Variants in LRP10 observed in about 807,000 individuals in gnomAD.
LRP10 encodes low-density lipoprotein receptor-related protein 10.
LRP10 carries 42 observed loss-of-function variants against 58.5 expected under a neutral mutation model. The observed-to-expected ratio is 0.72, with a 90% CI of 0.56 to 0.93. The LOEUF (loss-of-function observed/expected upper bound fraction) is 0.93. LRP10 is among the 40% of genes least tolerant of loss of function. LRP10 has a pLI of 0.00. For synonymous variants in LRP10, 377 were observed against 388.5 expected, an observed-to-expected ratio of 0.97 and a Z score of 0.35; for missense variants, 872 against 940.1, an observed-to-expected ratio of 0.93 and a Z score of 0.95.
At position 22,872,146 on chromosome 14, in the gene LRP10, C is replaced by A; in HGVS notation, c.-158C>A. On this transcript the variant is annotated 5_prime_UTR_variant, in exon 1 of 7. Coordinates refer to ENST00000359591, the MANE Select transcript of LRP10 (RefSeq NM_014045.5). ...TCCCGGGCTGCCGCCGCCTCCCCGC[C>A]CCCAGCCCTGGCATCCAGAGTACGG... 1 of 721,248 alleles carries A rather than the reference C, an allele frequency of 1.4e-6. No individual in the cohort carries two copies. Among genetic ancestry groups the A allele is most frequent in the Non-Finnish European group, 2.4e-6 (1 of 415,224 alleles). The allele number at this position is 721,248 out of a possible 1,614,324, so 44.7% of individuals were successfully genotyped here.
rs745750080 is a variant in LRP10, at chr14:22,876,823, GTCAC to G, written c.1554+8_1554+11del. 8.1e-6 allele frequency: 13 copies of G among 1,613,158 alleles called. No individual in the cohort carries two copies. Among genetic ancestry groups the G allele is most frequent in the Non-Finnish European group, 1.1e-5 (13 of 1,179,570 alleles). On this transcript the variant is annotated splice_donor_region_variant and intron_variant, in intron 6 of 6. Coordinates refer to ENST00000359591, the MANE Select transcript of LRP10 (RefSeq NM_014045.5). Reference sequence around the variant, plus strand: ...CCTACAGAGAATCCTAATGATGTAAGTCACTCCCCACAACCCTAGCACCTCCTGG... The same window carrying G: ...CCTACAGAGAATCCTAATGATGTAAGTCCCCACAACCCTAGCACCTCCTGG...
rs1425749556 is a variant in LRP10, at chr14:22,875,149, C to T, written c.310C>T (p.Pro104Ser). The T allele has an allele frequency of 5.6e-6, 9 of 1,613,832 alleles. No individual in the cohort carries two copies. Among genetic ancestry groups the T allele is most frequent in the Non-Finnish European group, 7.6e-6 (9 of 1,179,870 alleles). Residue 104 changes from proline to serine, a missense_variant, in exon 4 of 7, where the codon CCT becomes TCT. Physicochemically the swap from Pro to Ser is moderately conservative, Grantham distance 74 (BLOSUM62 -1). Coordinates refer to ENST00000359591, the MANE Select transcript of LRP10 (RefSeq NM_014045.5). ...CTCCCTGTGTGAGGCACCTCCCAGC[C>T]CTCTGCAGCTGCCCGGGGGCAACGT... ...LISLCEAPPS[P>S]LQLPGGNVTI...
rs1595032296 is a variant in LRP10, at chr14:22,877,850, A to G, written c.*323A>G. On this transcript the variant is annotated 3_prime_UTR_variant, in exon 7 of 7. Transcript: ENST00000359591. This position sits in a 1 kb window ranked among gnomAD's most constrained non-coding sequence, Gnocchi z 5.1. ...TTCTTAGAGGATCATAGGTCTGGAC[A>G]CTCCATCCTTGCCAAACCTCTACCC... 1 of 220,230 alleles carries G rather than the reference A, an allele frequency of 4.5e-6. No homozygotes were observed. The highest frequency in any genetic ancestry group is 5.8e-5 in the Admixed American group (1 of 17,112). The allele number at this position is 220,230 out of a possible 1,614,324, so 13.6% of individuals were successfully genotyped here.
In LRP10 at chr14:22,875,343, G is replaced by T; in HGVS notation, c.407-12G>T. 1 of 1,607,218 alleles carries T rather than the reference G, an allele frequency of 6.2e-7. No homozygotes were observed. Among genetic ancestry groups the T allele is most frequent in the East Asian group, 2.2e-5 (1 of 44,782 alleles). ...TGGTGCTTCACAGCCCCTCTCCATGGTGCCTCTGCAGATTGGCTGATGTGC... is the reference window on the plus strand; with the variant it reads ...TGGTGCTTCACAGCCCCTCTCCATGTTGCCTCTGCAGATTGGCTGATGTGC... On this transcript the variant is annotated splice_polypyrimidine_tract_variant and intron_variant, in intron 4 of 6. Transcript: ENST00000359591.
Position 22,876,041 on chromosome 14 carries a change from G to A in LRP10, c.1093G>A (p.Ala365Thr), listed in dbSNP as rs1438428566. The A allele has an allele frequency of 5.0e-6, 8 of 1,613,278 alleles. No individual in the cohort carries two copies. Among genetic ancestry groups the A allele is most frequent in the Non-Finnish European group, 6.8e-6 (8 of 1,179,872 alleles). The change falls in exon 5 of 7, where the codon GCT (alanine) becomes ACT (threonine). Residue 365 changes from alanine to threonine, a missense_variant. Coordinates refer to ENST00000359591, the MANE Select transcript of LRP10 (RefSeq NM_014045.5). ...GCPPGHFPCG[A>T]AGTSGATACY... is the part of the protein sequence containing the mutation. ...CCCACCTGGACACTTCCCCTGTGGGGCTGCTGGCACCTCTGGTGCCACAGC... is the reference window on the plus strand; with the variant it reads ...CCCACCTGGACACTTCCCCTGTGGGACTGCTGGCACCTCTGGTGCCACAGC...
chr14:22,873,208 T>C, intron 2 of LRP10, 103 bp from the exon 3 acceptor site: 2 of 1,435,566 alleles, frequency 1.4e-6, no homozygotes, highest in South Asian at 1.3e-5. Flanking sequence ...TGCTCCTCCT[T>C]GCAGAGCCCA....
Position 22,877,482 on chromosome 14 carries a change from G to A in LRP10, c.2097G>A (p.Pro699=), listed in dbSNP as rs764198520. The A allele has an allele frequency of 2.2e-5, 35 of 1,610,820 alleles. No individual in the cohort carries two copies. Among genetic ancestry groups the A allele is most frequent in the African/African-American group, 2.7e-5 (2 of 74,882 alleles). ...DDVLLVPLAE[P]GVWVAEAEDE... is the part of the protein sequence containing the mutation. ...TGCTACTGGTGCCACTGGCTGAGCC[G>A]GGGGTGTGGGTAGCTGAGGCAGAGG... is the stretch of plus-strand genomic sequence containing the variant. Residue 699 remains proline, a synonymous_variant, in exon 7 of 7, where the codon CCG becomes CCA. Transcript: ENST00000359591. This position sits in a 1 kb window ranked among gnomAD's most constrained non-coding sequence, Gnocchi z 5.1.
At chr14:22,872,809 C>T (rs752608613) in intron 2 of LRP10, 27 bp downstream of exon 2, 1 of 1,613,406 alleles carries the variant, frequency 6.2e-7, no homozygotes, top group Non-Finnish European at 8.5e-7. Flanking sequence ...TCTGGGGCTC[C>T]GTGGGCTTGG....
At position 22,879,499 on chromosome 14, in the gene LRP10, T is replaced by C. The variant is rs2040040996; in HGVS notation, c.*1972T>C. The C allele has an allele frequency of 4.4e-6, 1 of 226,728 alleles. No individual in the cohort carries two copies. The highest frequency in any genetic ancestry group is 4.2e-5 in the Admixed American group (1 of 23,648). 14.0% of individuals were successfully genotyped at this position (226,728 alleles called of 1,614,324 possible). On this transcript the variant is annotated 3_prime_UTR_variant, in exon 7 of 7. Coordinates refer to ENST00000359591, the MANE Select transcript of LRP10 (RefSeq NM_014045.5). ...TTTGCCCTCTCCTTTGCTCTTCTCT[T>C]CCCCCATAGCCACCTCAAATACCTG... is the stretch of plus-strand genomic sequence containing the variant.
intron 2 of LRP10, 23 bp downstream of exon 2, chr14:22,872,805 G>T (rs1354487679): frequency 1.9e-6 from 3 of 1,613,672 alleles, no homozygotes; most frequent in Admixed American, 3.3e-5. Context: ...AACCTCTGGG[G>T]CTCCGTGGGC....
In LRP10 at chr14:22,872,352, G is replaced by A; in HGVS notation, c.34+15G>A. On this transcript the variant is annotated intron_variant, in intron 1 of 6. Coordinates refer to ENST00000359591, the MANE Select transcript of LRP10 (RefSeq NM_014045.5). ...CCTCCTCCTTGGTAAGAACCGAAACGATACCAACCCCCAGCCTTCTGTCAC... is the reference window on the plus strand; with the variant it reads ...CCTCCTCCTTGGTAAGAACCGAAACAATACCAACCCCCAGCCTTCTGTCAC... 1 of 1,613,884 alleles carries A rather than the reference G, an allele frequency of 6.2e-7. No individual in the cohort carries two copies. The highest frequency in any genetic ancestry group is 8.5e-7 in the Non-Finnish European group (1 of 1,179,894).
chr14:22,872,763 G>A lies in LRP10; in HGVS notation c.60G>A (p.Arg20=). ...LLGGALAHPD[R]IIFPNHACED... is the part of the protein sequence containing the mutation. ...GAGGCGCTCTGGCCCATCCAGACCG[G>A]ATTATTTTTCCAAATCATGGTGAGT... Residue 20 remains arginine, a synonymous_variant, in exon 2 of 7, where the codon CGG becomes CGA. Coordinates refer to ENST00000359591, the MANE Select transcript of LRP10 (RefSeq NM_014045.5). The A allele has an allele frequency of 1.2e-6, 2 of 1,614,176 alleles. No individual in the cohort carries two copies. The highest frequency in any genetic ancestry group is 1.1e-5 in the South Asian group (1 of 91,084).
chr14:22,871,982 C>T lies in LRP10; in HGVS notation c.-322C>T, dbSNP rs1440024815. On this transcript the variant is annotated 5_prime_UTR_variant, in exon 1 of 7. Transcript: ENST00000359591. ...GCGACCAGGCCAGACCAGGGGCGCTCGCTGCCTGCGGGCGGGCTGTAGGCG... is the reference window on the plus strand; with the variant it reads ...GCGACCAGGCCAGACCAGGGGCGCTTGCTGCCTGCGGGCGGGCTGTAGGCG... 2.0e-6 allele frequency: 1 copy of T among 507,146 alleles called. No homozygotes were observed. The highest frequency in any genetic ancestry group is 3.5e-6 in the Non-Finnish European group (1 of 284,258). The allele number at this position is 507,146 out of a possible 1,614,324, so 31.4% of individuals were successfully genotyped here. A position where few individuals can be genotyped will look rare whatever the true frequency, so the allele number is the denominator to read the frequency against.
chr14:22,873,464 A>G lies in LRP10; in HGVS notation c.215+18A>G. On this transcript the variant is annotated intron_variant, in intron 3 of 6. Transcript: ENST00000359591. Reference sequence around the variant, plus strand: ...ACCATCAGGTGAGAAGCAGAACAAGAGCAAGAACCCATTCTTCTCCCCTGC... The same window carrying G: ...ACCATCAGGTGAGAAGCAGAACAAGGGCAAGAACCCATTCTTCTCCCCTGC... 6.2e-7 allele frequency: 1 copy of G among 1,612,698 alleles called. No homozygotes were observed. Among genetic ancestry groups the G allele is most frequent in the East Asian group, 2.2e-5 (1 of 44,834 alleles).
intron 3 of LRP10, 149 bp from the exon 4 acceptor site, chr14:22,874,906 G>T (rs1262167402): frequency 2.1e-6 from 1 of 469,320 alleles, no homozygotes; most frequent in Non-Finnish European, 3.7e-6. Context: ...TAAATAAATA[G>T]GCTAACTGAG....
In LRP10 at chr14:22,879,284, C is replaced by G. The variant is rs534498133; in HGVS notation, c.*1757C>G. The G allele has an allele frequency of 1.3e-5, 6 of 450,700 alleles. No homozygotes were observed. The highest frequency in any genetic ancestry group is 2.2e-5 in the Non-Finnish European group (5 of 222,566). The allele number at this position is 450,700 out of a possible 1,614,324, so 27.9% of individuals were successfully genotyped here. A position where few individuals can be genotyped will look rare whatever the true frequency, so the allele number is the denominator to read the frequency against. ...CTGGCACCTTGGCTCAGGGAAGACC[C>G]GAGCTCCTTTCACTGCAGACCCTCT... On this transcript the variant is annotated 3_prime_UTR_variant, in exon 7 of 7. Coordinates refer to ENST00000359591, the MANE Select transcript of LRP10 (RefSeq NM_014045.5).
Position 22,876,116 on chromosome 14 carries a change from G to A in LRP10, c.1168G>A (p.Gly390Arg). 1 of 1,614,206 alleles carries A rather than the reference G, an allele frequency of 6.2e-7. No homozygotes were observed. Among genetic ancestry groups the A allele is most frequent in the Non-Finnish European group, 8.5e-7 (1 of 1,180,054 alleles). The part of the protein sequence containing the change: ...RCNYQTFCAD[G>R]ADERRCRHCQ... ...CAACTACCAGACTTTCTGTGCTGAT[G>A]GAGCAGATGAGAGACGCTGTCGGCA... is the stretch of plus-strand genomic sequence containing the variant. Residue 390 changes from glycine (G) to arginine (R), a missense_variant, in exon 5 of 7, where the codon GGA becomes AGA. Coordinates refer to ENST00000359591, the MANE Select transcript of LRP10 (RefSeq NM_014045.5).
chr14:22,876,029 T>C lies in LRP10; in HGVS notation c.1081T>C (p.Phe361Leu). The change falls in exon 5 of 7, where the codon TTC (phenylalanine) becomes CTC (leucine). Residue 361 changes from phenylalanine to leucine, a missense_variant. By Grantham distance (22) the Phe-to-Leu change is conservative (BLOSUM62 0). Coordinates refer to ENST00000359591, the MANE Select transcript of LRP10 (RefSeq NM_014045.5). ...CTGCCCAGGCTGCCCACCTGGACAC[T>C]TCCCCTGTGGGGCTGCTGGCACCTC... Reference protein sequence around the residue: ...EDCPGCPPGHFPCGAAGTSGA... With the variant: ...EDCPGCPPGHLPCGAAGTSGA... 2 of 1,613,356 alleles carry C rather than the reference T, an allele frequency of 1.2e-6. No individual in the cohort carries two copies. Among genetic ancestry groups the C allele is most frequent in the South Asian group, 2.2e-5 (2 of 91,080 alleles).
rs376140332 is a variant in LRP10, at chr14:22,875,345, G to A, written c.407-10G>A. The A allele has an allele frequency of 1.6e-4, 262 of 1,607,776 alleles. 1 individual carries two copies. The highest frequency in any genetic ancestry group is 2.0e-4 in the Admixed American group (12 of 59,830). Reference sequence around the variant, plus strand: ...GTGCTTCACAGCCCCTCTCCATGGTGCCTCTGCAGATTGGCTGATGTGCCT... The same window carrying A: ...GTGCTTCACAGCCCCTCTCCATGGTACCTCTGCAGATTGGCTGATGTGCCT... On this transcript the variant is annotated splice_polypyrimidine_tract_variant and intron_variant, in intron 4 of 6. Coordinates refer to ENST00000359591, the MANE Select transcript of LRP10 (RefSeq NM_014045.5).
Sources: gnomAD v4.1 joint callset for allele counts on GRCh38, gnomAD v4.1.1 for gene constraint, Gnocchi (gnomAD v3.1) non-coding constraint, MANE v1.5 for transcripts, NCBI Gene and HGNC (gene_info 2026-07-23, HGNC 2026-07-21) for gene names.